Variants in GOLM2 observed in about 807,000 individuals in gnomAD.
The protein encoded by GOLM2 is golgi membrane protein 2.
A neutral mutation model predicts 55.9 loss-of-function variants in GOLM2; 26 were observed. That is an observed-to-expected ratio of 0.47 (90% CI 0.34 to 0.65). GOLM2 has a LOEUF of 0.65. GOLM2 is among the 30% of genes least tolerant of loss of function. The pLI is 0.01. For synonymous variants in GOLM2, 165 were observed against 194.6 expected, an observed-to-expected ratio of 0.85 and a Z score of 1.27; for missense variants, 486 against 531.8, an observed-to-expected ratio of 0.91 and a Z score of 0.85.
intron 6 of GOLM2, among the ~76,000 whole-genome samples, chr15:44,339,951 C>G (rs2079080357): frequency 6.6e-6 from 1 of 151,848 alleles, no homozygotes; most frequent in Admixed American, 6.6e-5. Flanking sequence ...TCCTGAGTAG[C>G]AGGAACTACA....
chr15:44,289,677 A>G lies in GOLM2; in HGVS notation c.327+321A>G, dbSNP rs1595607903. Among the ~76,000 whole-genome samples the G allele has an allele frequency of 6.6e-6, 1 of 152,168 alleles. No homozygotes were observed. The highest frequency in any genetic ancestry group is 2.4e-5 in the African/African-American group (1 of 41,438). ...CTGTGTGGCCCCCTTACCTTCAAAG[A>G]CACACAAATCTGGCGACTGCCAGGT... On this transcript the variant is annotated intron_variant, in intron 1 of 9. Transcript: ENST00000299957. The surrounding 1 kb of genome is among the most constrained non-coding windows in gnomAD (Gnocchi z 4.8).
At chr15:44,336,554 A>G (rs926664808) in intron 4 of GOLM2, among the ~76,000 whole-genome samples, 4 of 152,252 alleles carry the variant, frequency 2.6e-5, no homozygotes, top group Non-Finnish European at 5.9e-5. Flanking sequence ...TTTACTTGCC[A>G]GGACACTGGA....
intron 6 of GOLM2, among the ~76,000 whole-genome samples, chr15:44,369,093 A>G (rs1208306112): frequency 2.2e-5 from 2 of 89,198 alleles, no homozygotes; most frequent in East Asian, 4.1e-4. Flanking sequence ...ATATATATAT[A>G]TATATATATA....
intron 8 of GOLM2, among the ~76,000 whole-genome samples, chr15:44,382,389 C>A (rs2079409594): frequency 6.6e-6 from 1 of 151,858 alleles, no homozygotes; most frequent in Non-Finnish European, 1.5e-5. Context: ...TGCAGTGGTG[C>A]AATCTCAGCT....
At chr15:44,403,575 G>C (rs947111130) in intron 9 of GOLM2, among the ~76,000 whole-genome samples, 2 of 151,976 alleles carry the variant, frequency 1.3e-5, no homozygotes, top group African/African-American at 2.4e-5. Context: ...AAAAATTTTG[G>C]TTATCTTATG....
chr15:44,388,686 G>A (rs778887475), intron 8 of GOLM2, among the ~76,000 whole-genome samples: 4 of 152,192 alleles, frequency 2.6e-5, no homozygotes, highest in African/African-American at 9.6e-5. Flanking sequence ...AAGAAAAAAA[G>A]AGAGAGGGAG....
intron 1 of GOLM2, among the ~76,000 whole-genome samples, chr15:44,299,250 A>G (rs2078779748): frequency 6.6e-6 from 1 of 152,052 alleles, no homozygotes; most frequent in African/African-American, 2.4e-5. Flanking sequence ...AAATACACAA[A>G]TGCATACTTA....
intron 6 of GOLM2, among the ~76,000 whole-genome samples, chr15:44,342,360 G>C (rs998326465): frequency 6.6e-6 from 1 of 151,974 alleles, no homozygotes; most frequent in Non-Finnish European, 1.5e-5. Context: ...GACCTCCTGG[G>C]CTCAAGTGGT....
chr15:44,307,042 T>C (rs2078842063), intron 1 of GOLM2, among the ~76,000 whole-genome samples: 1 of 152,070 alleles, frequency 6.6e-6, no homozygotes, highest in Non-Finnish European at 1.5e-5. Flanking sequence ...CATAGGGACA[T>C]GAAGTGAGCA....
intron 7 of GOLM2, 84 bp from the exon 8 acceptor site, chr15:44,380,722 C>T (rs1027080970): frequency 1.0e-6 from 1 of 983,544 alleles, no homozygotes; most frequent in Non-Finnish European, 1.3e-6. Context: ...TGTGTCTTAG[C>T]TTTCTAAAGC....
At chr15:44,398,368 T>C (rs1416776557) in intron 8 of GOLM2, among the ~76,000 whole-genome samples, 3 of 152,170 alleles carry the variant, frequency 2.0e-5, no homozygotes, top group Non-Finnish European at 4.4e-5. Flanking sequence ...TGCAGTGGTA[T>C]GATCATAGCT....
chr15:44,410,923 A>AG (rs2079634048), intron 9 of GOLM2, among the ~76,000 whole-genome samples: 2 of 146,356 alleles, frequency 1.4e-5, no homozygotes, highest in Non-Finnish European at 3.0e-5. Flanking sequence ...AAAAAAAAAA[A>AG]GGTGCAAAAT....
At chr15:44,350,186 C>G (rs1444784378) in intron 6 of GOLM2, among the ~76,000 whole-genome samples, 1 of 151,716 alleles carries the variant, frequency 6.6e-6, no homozygotes, top group African/African-American at 2.4e-5. Context: ...TACAAAAGAT[C>G]AAGGAAAGAA....
At chr15:44,387,966 A>T (rs1226207070) in intron 8 of GOLM2, among the ~76,000 whole-genome samples, 3 of 151,684 alleles carry the variant, frequency 2.0e-5, no homozygotes, top group Non-Finnish European at 4.4e-5. Context: ...ACATAAATAT[A>T]CTGTTCTTTT....
chr15:44,381,197 A>G (rs933540620), intron 8 of GOLM2, among the ~76,000 whole-genome samples: 1 of 152,220 alleles, frequency 6.6e-6, no homozygotes, highest in African/African-American at 2.4e-5. Context: ...CCATTGTTAA[A>G]TAATAAATTT....
intron 9 of GOLM2, among the ~76,000 whole-genome samples, chr15:44,403,416 G>A (rs1595669241): frequency 1.3e-5 from 2 of 151,914 alleles, no homozygotes; most frequent in South Asian, 4.2e-4. Flanking sequence ...CTCACCTCAG[G>A]CTCCCAAAGT....
chr15:44,379,359 C>T (rs972312833), intron 6 of GOLM2, among the ~76,000 whole-genome samples: 4 of 152,000 alleles, frequency 2.6e-5, no homozygotes, highest in Non-Finnish European at 5.9e-5. Flanking sequence ...CGCCTATAAT[C>T]CTAGCTATTA....
rs928642776 is a variant in GOLM2, at chr15:44,333,658, G to C, written c.576+1580G>C. On this transcript the variant is annotated intron_variant, in intron 4 of 9. Coordinates refer to ENST00000299957, the MANE Select transcript of GOLM2 (RefSeq NM_138423.4). The stretch of plus-strand genomic sequence containing the variant: ...AAAGGAAGGGGAAGAGAGGTTTGCT[G>C]TTGCAATTGTGTCATTATAAGCGTA... Among the ~76,000 whole-genome samples the C allele has an allele frequency of 9.9e-5, 15 of 152,128 alleles. 1 individual carries two copies. Among genetic ancestry groups the C allele is most frequent in the Admixed American group, 7.9e-4 (12 of 15,268 alleles).
chr15:44,353,344 A>G (rs888436456), intron 6 of GOLM2, among the ~76,000 whole-genome samples: 16 of 152,358 alleles, frequency 1.1e-4, no homozygotes, highest in South Asian at 6.2e-4. Flanking sequence ...TCAAGAAACT[A>G]AAAATAGAGC....
Sources: allele counts gnomAD v4.1 joint callset (sites outside exome capture counted in the v4.1 genomes callset), GRCh38; gene constraint gnomAD v4.1.1; non-coding constraint Gnocchi (gnomAD v3.1); transcripts MANE v1.5; gene names NCBI Gene and HGNC (gene_info 2026-07-23, HGNC 2026-07-21).